The following NOTCH1 variants were observed in gnomAD, a reference collection of about 807,000 sequenced individuals.
NOTCH1 encodes the protein neurogenic locus notch homolog protein 1.
NOTCH1 carries 37 observed loss-of-function variants against 254.8 expected under a neutral mutation model. That is an observed-to-expected ratio of 0.15 (90% CI 0.11 to 0.19). The LOEUF is 0.19. Among genes scored for constraint, NOTCH1 ranks in the 10% least tolerant of loss-of-function variants. NOTCH1 has a pLI of 1.00. For synonymous variants in NOTCH1, 1,731 were observed against 1,618.1 expected (o/e 1.07, Z -1.68); for missense variants, 2,972 against 3,708.6 (o/e 0.80, Z 5.16).
At chr9:136,526,129 G>A (rs1322139160) in intron 2 of NOTCH1, among the ~76,000 whole-genome samples, 12 of 152,226 alleles carry the variant, frequency 7.9e-5, no homozygotes, top group Admixed American at 3.9e-4. Flanking sequence ...CTGCCTCTGC[G>A]GGCACCTGTT....
intron 2 of NOTCH1, among the ~76,000 whole-genome samples, chr9:136,542,524 G>C (rs1445825221): frequency 1.4e-5 from 2 of 146,288 alleles, no homozygotes; most frequent in Admixed American, 1.4e-4. Context: ...TCTGCAGAGG[G>C]AGAAGGGGGC....
At position 136,510,799 on chromosome 9, in the gene NOTCH1, G is replaced by A. The variant is rs1342719071; in HGVS notation, c.2594C>T (p.Thr865Ile). 1.2e-5 allele frequency: 19 copies of A among 1,609,430 alleles called. No homozygotes were observed. The highest frequency in any genetic ancestry group is 1.5e-5 in the Non-Finnish European group (18 of 1,179,860). The change falls in exon 17 of 34, where the codon ACC (threonine) becomes ATC (isoleucine). Residue 865 changes from threonine to isoleucine, a missense_variant. Physicochemically the swap from Thr to Ile is moderately conservative, Grantham distance 89. Around this residue, in one of 8 missense-constraint regions of NOTCH1, gnomAD observed 1,343 missense variants for 1,557.0 expected, o/e 0.86. Coordinates refer to ENST00000651671, the MANE Select transcript of NOTCH1 (RefSeq NM_017617.5). Reference sequence around the variant, plus strand: ...GCACTCGTTGATGTCGACCTCACAGGTCTGCCCTGCGGGGCAGGAGGAGGC... The same window carrying A: ...GCACTCGTTGATGTCGACCTCACAGATCTGCCCTGCGGGGCAGGAGGAGGC... ...CVCPTGWQGQ[T>I]CEVDINECVL...
At chr9:136,522,131 C>T (rs902897120) in intron 4 of NOTCH1, among the ~76,000 whole-genome samples, 1 of 152,092 alleles carries the variant, frequency 6.6e-6, no homozygotes. Flanking sequence ...GCGCGTGCCA[C>T]CATGCCTGGC....
rs1373881914 is a variant in NOTCH1 at position 136,518,685 on chromosome 9, G to A, written c.1005C>T (p.Asn335=). ...NGWTGEDCSE[N]IDDCASAACF... Reference sequence around the variant, plus strand: ...AGGCGGCGCTGGCACAGTCATCAATGTTCTCGCTGCAGTCCTCACCAGTCC... The same window carrying A: ...AGGCGGCGCTGGCACAGTCATCAATATTCTCGCTGCAGTCCTCACCAGTCC... Residue 335 remains asparagine (N), a synonymous_variant, in exon 6 of 34, where the codon AAC becomes AAT. Transcript: ENST00000651671. 1 of 1,612,782 alleles carries A rather than the reference G, an allele frequency of 6.2e-7. No homozygotes were observed. Among genetic ancestry groups the A allele is most frequent in the African/African-American group, 1.3e-5 (1 of 75,058 alleles).
intron 2 of NOTCH1, among the ~76,000 whole-genome samples, chr9:136,541,203 A>G (rs1473904663): frequency 6.6e-6 from 1 of 152,122 alleles, no homozygotes. Flanking sequence ...CTACCTGGCC[A>G]CTGGCTGACC....
rs750568399 is a variant in NOTCH1 at position 136,518,783 on chromosome 9, G to A, written c.907C>T (p.Pro303Ser). The A allele has an allele frequency of 6.2e-7, 1 of 1,612,836 alleles. No homozygotes were observed. Among genetic ancestry groups the A allele is most frequent in the African/African-American group, 1.3e-5 (1 of 75,026 alleles). The part of the protein sequence containing the change: ...TEDVDECQLM[P>S]NACQNGGTCH... ...GTCCCGCCGTTCTGGCAGGCATTTG[G>A]CATCAGCTGGCACTCGTCCACATCC... The change falls in exon 6 of 34, where the codon CCA (proline) becomes TCA (serine). Residue 303 changes from proline to serine, a missense_variant. Pro to Ser is a moderately conservative substitution (Grantham distance 74). Around this residue, in one of 8 missense-constraint regions of NOTCH1, gnomAD observed 374 missense variants for 496.3 expected, o/e 0.75. Coordinates refer to ENST00000651671, the MANE Select transcript of NOTCH1 (RefSeq NM_017617.5).
Position 136,507,317 on chromosome 9 carries a change from G to A in NOTCH1, c.3631C>T (p.Arg1211Trp), listed in dbSNP as rs766644919. Residue 1211 changes from arginine (R) to tryptophan (W), a missense_variant, in exon 22 of 34, where the codon CGG (arginine) becomes TGG (tryptophan). By Grantham distance (101) the Arg-to-Trp change is moderately radical. Coordinates refer to ENST00000651671, the MANE Select transcript of NOTCH1 (RefSeq NM_017617.5). The stretch of plus-strand genomic sequence containing the variant: ...CAGCGGCCCTTACCCTGAGTGCCCC[G>A]TGGGCAGGAGCACTTGTAGGTGTTG... ...LPNTYKCSCP[R>W]GTQGVHCEIN... The A allele has an allele frequency of 2.5e-5, 41 of 1,612,812 alleles. No homozygotes were observed. Among genetic ancestry groups the A allele is most frequent in the Non-Finnish European group, 3.3e-5 (39 of 1,179,950 alleles).
At chr9:136,539,483 G>A (rs1160092983) in intron 2 of NOTCH1, among the ~76,000 whole-genome samples, 1 of 152,174 alleles carries the variant, frequency 6.6e-6, no homozygotes, top group Non-Finnish European at 1.5e-5. Flanking sequence ...CCGTCTCCTG[G>A]GTTCAAAGGA....
chr9:136,515,360 G>A lies in NOTCH1; in HGVS notation c.1944C>T (p.Ser648=), dbSNP rs1033202692. 1.2e-6 allele frequency: 2 copies of A among 1,613,048 alleles called. No individual in the cohort carries two copies. The highest frequency in any genetic ancestry group is 4.5e-5 in the East Asian group (2 of 44,880). ...CCAGACAGGTGCCCGAGTCGCAGGG[G>A]CTGCTGGCACAGTCATCCAGGTTGA... is the stretch of plus-strand genomic sequence containing the variant. The part of the protein sequence containing the change: ...CEINLDDCAS[S]PCDSGTCLDK... Residue 648 remains serine, a synonymous_variant, in exon 12 of 34, where the codon AGC becomes AGT. Transcript: ENST00000651671.
chr9:136,508,149 A>G lies in NOTCH1; in HGVS notation c.3326-10T>C. On this transcript the variant is annotated splice_polypyrimidine_tract_variant and intron_variant, in intron 20 of 33. Transcript: ENST00000651671. ...CGGGCAACGTCAACACCTGCGGGGG[A>G]TGGGGTGGTAGACAGGTGAGGCCCA... 6.2e-7 allele frequency: 1 copy of G among 1,607,504 alleles called. No homozygotes were observed.
rs2133312071 is a variant in NOTCH1, at chr9:136,495,002, C to G, written c.*1069G>C. 2.5e-6 allele frequency: 1 copy of G among 398,936 alleles called. No individual in the cohort carries two copies. Among genetic ancestry groups the G allele is most frequent in the East Asian group, 3.5e-5 (1 of 28,198 alleles). The allele number at this position is 398,936 out of a possible 1,614,324, so 24.7% of individuals were successfully genotyped here. A position where few individuals can be genotyped will look rare whatever the true frequency, so the allele number is the denominator to read the frequency against. ...CCACGGCGTTGCACAGCTCAATGTG[C>G]CCGGCTCTGGCAAGTCTCCTACAAA... On this transcript the variant is annotated 3_prime_UTR_variant, in exon 34 of 34. Transcript: ENST00000651671.
intron 2 of NOTCH1, among the ~76,000 whole-genome samples, chr9:136,527,367 C>G (rs1318639550): frequency 6.6e-6 from 1 of 152,266 alleles, no homozygotes; most frequent in African/African-American, 2.4e-5. Context: ...CCGGGCCACT[C>G]TGTCTTCAAT....
intron 4 of NOTCH1, 47 bp from the exon 5 acceptor site, chr9:136,519,612 G>C (rs375169528): frequency 1.7e-5 from 28 of 1,611,704 alleles, no homozygotes; most frequent in Non-Finnish European, 2.4e-5. Context: ...GGTCCAGTCC[G>C]GCTCCTGCCT....
intron 2 of NOTCH1, among the ~76,000 whole-genome samples, chr9:136,529,361 G>A (rs1171045321): frequency 1.3e-5 from 2 of 152,220 alleles, no homozygotes; most frequent in African/African-American, 4.8e-5. Context: ...GGGGAGTCCT[G>A]GGACCTCAGC....
chr9:136,514,773 CCTGT>C (rs2133361604), intron 12 of NOTCH1, 71 bp from the exon 13 acceptor site: 1 of 1,480,056 alleles, frequency 6.8e-7, no homozygotes, highest in Non-Finnish European at 9.3e-7. Flanking sequence ...CCTCGATTTC[CCTGT>C]CTGTTGAGCC....
Position 136,509,894 on chromosome 9 carries a change from G to A in NOTCH1, c.2808C>T (p.Gly936=). The change falls in exon 18 of 34, where the codon GGC becomes GGT. Residue 936 remains glycine (G), a synonymous_variant. Transcript: ENST00000651671. The stretch of plus-strand genomic sequence containing the variant: ...CCTCCTCACAGAAAGTGCCCCGGAA[G>A]CCGGGCAGGCAGTCGCAGAAGGCCG... ...INTAFCDCLP[G]FRGTFCEEDI... 6.2e-7 allele frequency: 1 copy of A among 1,613,260 alleles called. No individual in the cohort carries two copies.
At chr9:136,520,911 C>T (rs915524274) in intron 4 of NOTCH1, among the ~76,000 whole-genome samples, 2 of 152,172 alleles carry the variant, frequency 1.3e-5, no homozygotes, top group African/African-American at 4.8e-5. Context: ...CCAGCGAGAG[C>T]CCCGTGGACC....
intron 31 of NOTCH1, among the ~76,000 whole-genome samples, chr9:136,499,742 C>T (rs1196503604): frequency 6.6e-6 from 1 of 152,218 alleles, no homozygotes; most frequent in Non-Finnish European, 1.5e-5. Context: ...CCCCTGCTCA[C>T]TGGCGGGTGC....
At chr9:136,519,678 G>A (rs1198034445) in intron 4 of NOTCH1, 113 bp from the exon 5 acceptor site, 2 of 1,521,728 alleles carry the variant, frequency 1.3e-6, no homozygotes, top group African/African-American at 1.4e-5. Context: ...GCCCTGCCCT[G>A]GGGCCCCCGG....
Sources: allele counts gnomAD v4.1 joint callset (sites outside exome capture counted in the v4.1 genomes callset), GRCh38; gene constraint gnomAD v4.1.1; regional missense constraint gnomAD v4.1.1; transcripts MANE v1.5; gene names NCBI Gene and HGNC (gene_info 2026-07-23, HGNC 2026-07-21).